The following SRRM2 variants were observed in gnomAD, a reference collection of about 807,000 sequenced individuals.
SRRM2 encodes serine/arginine repetitive matrix protein 2.
Under a neutral mutation model 213.8 loss-of-function variants are expected in SRRM2, and 30 were observed. The observed-to-expected ratio is 0.14, with a 90% CI of 0.10 to 0.19. SRRM2 has a LOEUF of 0.19. Among genes scored for constraint, SRRM2 ranks in the 10% least tolerant of loss-of-function variants. The pLI is 1.00. For synonymous variants in SRRM2, 2,025 were observed against 1,377.7 expected (o/e 1.47, Z -10.40); for missense variants, 4,904 against 3,647.0 (o/e 1.34, Z -8.88).
rs747794051 is a variant in SRRM2, at chr16:2,769,135, C to CTCCTCT, written c.7875_7880dup (p.Ser2647_Ser2648dup). The CTCCTCT allele has an allele frequency of 4.7e-5, 75 of 1,611,660 alleles. No individual in the cohort carries two copies. The Admixed American group carries it at 5.7e-4, about 12-fold the overall frequency. Reference sequence around the variant, plus strand: ...CTTCATCTTCCTCCTCCTCCTCCTCCTCCTCTTCTTCCTCCTCCTCTTCCT... The same window carrying CTCCTCT: ...CTTCATCTTCCTCCTCCTCCTCCTCCTCCTCTTCCTCTTCTTCCTCCTCCTCTTCCT... On this transcript the variant is annotated inframe_insertion, in exon 12 of 15. Coordinates refer to ENST00000301740, the MANE Select transcript of SRRM2 (RefSeq NM_016333.4).
At chr16:2,756,954 AAAG>A (rs578148421) in intron 2 of SRRM2, among the ~76,000 whole-genome samples, 213 of 152,276 alleles carry the variant, frequency 1.4e-3, no homozygotes, top group African/African-American at 4.9e-3. Context: ...CATTGGTAGA[AAAG>A]AAGAAGATAA....
chr16:2,769,153 CTCT>C lies in SRRM2; in HGVS notation c.7893_7895del (p.Ser2648del). 6.8e-6 allele frequency: 11 copies of C among 1,611,602 alleles called. No homozygotes were observed. Among genetic ancestry groups the C allele is most frequent in the East Asian group, 2.2e-5 (1 of 44,866 alleles). On this transcript the variant is annotated inframe_deletion, in exon 12 of 15. Coordinates refer to ENST00000301740, the MANE Select transcript of SRRM2 (RefSeq NM_016333.4). ...CCTCCTCCTCCTCTTCTTCCTCCTC[CTCT>C]TCCTCTTCTTCTTCTTCCTCCTCAT...
chr16:2,762,516 C>T lies in SRRM2; in HGVS notation c.1988C>T (p.Pro663Leu). Residue 663 changes from proline (P) to leucine (L), a missense_variant, in exon 11 of 15, where the codon CCA becomes CTA. By Grantham distance (98) the Pro-to-Leu change is moderately conservative (BLOSUM62 -3). Transcript: ENST00000301740. Reference protein sequence around the residue: ...ARRGRSRSRTPARRGRSRSRT... With the variant: ...ARRGRSRSRTLARRGRSRSRT... Reference sequence around the variant, plus strand: ...CGTGGCCGCTCACGCTCCAGAACCCCAGCCAGACGTGGCCGCTCACGCTCT... The same window carrying T: ...CGTGGCCGCTCACGCTCCAGAACCCTAGCCAGACGTGGCCGCTCACGCTCT... 1.2e-6 allele frequency: 2 copies of T among 1,613,716 alleles called. No homozygotes were observed. Among genetic ancestry groups the T allele is most frequent in the Non-Finnish European group, 1.7e-6 (2 of 1,179,752 alleles).
Position 2,764,743 on chromosome 16 carries a change from T to G in SRRM2, c.4215T>G (p.Pro1405=), listed in dbSNP as rs766269643. ...CTTCAAATCAGAGCATCTCTTCACC[T>G]GTGCTTGATGCTGTACCCAGAACAC... ...GMSSNQSISS[P]VLDAVPRTPS... Residue 1405 remains proline, a synonymous_variant, in exon 11 of 15, where the codon CCT becomes CCG. Coordinates refer to ENST00000301740, the MANE Select transcript of SRRM2 (RefSeq NM_016333.4). 3.1e-6 allele frequency: 5 copies of G among 1,614,196 alleles called. No individual in the cohort carries two copies. Among genetic ancestry groups the G allele is most frequent in the Non-Finnish European group, 4.2e-6 (5 of 1,180,044 alleles).
chr16:2,763,066 T>C lies in SRRM2; in HGVS notation c.2538T>C (p.Ser846=), dbSNP rs1022085303. ...CATCTCCTCATCCTAAAGTGAAATC[T>C]GGAACACCACCGAGGCAAGGGTCCA... ...SSSSPHPKVK[S]GTPPRQGSIT... Residue 846 remains serine, a synonymous_variant, in exon 11 of 15, where the codon TCT becomes TCC. Coordinates refer to ENST00000301740, the MANE Select transcript of SRRM2 (RefSeq NM_016333.4). The C allele has an allele frequency of 1.9e-6, 3 of 1,614,030 alleles. No individual in the cohort carries two copies. Among genetic ancestry groups the C allele is most frequent in the East Asian group, 2.2e-5 (1 of 44,874 alleles).
In SRRM2 at chr16:2,763,206, G is replaced by A; in HGVS notation, c.2678G>A (p.Gly893Glu). The A allele has an allele frequency of 6.2e-7, 1 of 1,613,856 alleles. No individual in the cohort carries two copies. The highest frequency in any genetic ancestry group is 8.5e-7 in the Non-Finnish European group (1 of 1,179,976). ...SRTPSRHSCSGSSPPRVKSST... is the reference protein window; with the variant it reads ...SRTPSRHSCSESSPPRVKSST... ...ACCCCTTCTAGACATAGCTGCTCAGGGTCCTCTCCTCCTAGAGTGAAATCT... is the reference window on the plus strand; with the variant it reads ...ACCCCTTCTAGACATAGCTGCTCAGAGTCCTCTCCTCCTAGAGTGAAATCT... Residue 893 changes from glycine (G) to glutamate (E), a missense_variant, in exon 11 of 15, where the codon GGG becomes GAG. Coordinates refer to ENST00000301740, the MANE Select transcript of SRRM2 (RefSeq NM_016333.4).
intron 10 of SRRM2, chr16:2,760,708 C>G: frequency 6.9e-6 from 4 of 577,720 alleles, no homozygotes; most frequent in Admixed American, 3.0e-5. Context: ...TCAAATCTCA[C>G]TGGATGTTAG....
chr16:2,762,397 C>G lies in SRRM2; in HGVS notation c.1869C>G (p.Arg623=), dbSNP rs746780703. 6.8e-6 allele frequency: 11 copies of G among 1,613,976 alleles called. No individual in the cohort carries two copies. The African/African-American group carries it at 1.5e-4, about 22-fold the overall frequency. ...CTCGGTCTAGAACACCTGCTAGGCG[C>G]AGATCTAGGACCCGATCACCAGTAC... ...GRSRSRTPAR[R]RSRTRSPVRR... The change falls in exon 11 of 15, where the codon CGC becomes CGG. Residue 623 remains arginine, a synonymous_variant. Coordinates refer to ENST00000301740, the MANE Select transcript of SRRM2 (RefSeq NM_016333.4).
chr16:2,769,344 G>C lies in SRRM2; in HGVS notation c.8021+60G>C. The C allele has an allele frequency of 5.9e-6, 9 of 1,512,804 alleles. No individual in the cohort carries two copies. In the South Asian group the frequency reaches 1.2e-4, roughly 20 times the overall value. The allele number at this position is 1,512,804 out of a possible 1,614,324, so 93.7% of individuals were successfully genotyped here. ...GGGGGAGTGACTTGTCCAGAGAAGG[G>C]GCCCTGGGGTGTGAGCTCCCCGCTG... On this transcript the variant is annotated intron_variant, in intron 12 of 14. Coordinates refer to ENST00000301740, the MANE Select transcript of SRRM2 (RefSeq NM_016333.4).
chr16:2,756,338 G>A lies in SRRM2; in HGVS notation c.-27G>A, dbSNP rs770049190. On this transcript the variant is annotated 5_prime_UTR_variant, in exon 2 of 15. Transcript: ENST00000301740. ...TGTCTCCCCGCTCCCCCTCAGGAGC[G>A]GTGGTGCCCCCCCCGGGCACGGGGC... The A allele has an allele frequency of 1.8e-5, 28 of 1,575,110 alleles. No homozygotes were observed. The African/African-American group carries it at 2.6e-4, about 14-fold the overall frequency.
Position 2,762,353 on chromosome 16 carries a change from C to G in SRRM2, c.1825C>G (p.Pro609Ala). Residue 609 changes from proline (P) to alanine (A), a missense_variant, in exon 11 of 15, where the codon CCA (proline) becomes GCA (alanine). Pro to Ala is a conservative substitution (Grantham distance 27, BLOSUM62 -1). Coordinates refer to ENST00000301740, the MANE Select transcript of SRRM2 (RefSeq NM_016333.4). The stretch of plus-strand genomic sequence containing the variant: ...CAGGCGTAGGTCTCGGTCTAGAACA[C>G]CAGCCCGGAGGGGCAGGTCTCGGTC... The part of the protein sequence containing the change: ...PTRRRSRSRT[P>A]ARRGRSRSRT... 6.2e-7 allele frequency: 1 copy of G among 1,612,958 alleles called. No homozygotes were observed. The highest frequency in any genetic ancestry group is 1.1e-5 in the South Asian group (1 of 90,994).
In SRRM2 at chr16:2,767,494, C is replaced by T. The variant is rs2068584069; in HGVS notation, c.6966C>T (p.Asn2322=). ...TGSGTPPTAA[N]YPSSSRTPQA... ...CTGGCACACCACCAACTGCTGCAAA[C>T]TATCCCTCCAGCTCCAGAACACCAC... Residue 2322 remains asparagine (N), a synonymous_variant, in exon 11 of 15, where the codon AAC becomes AAT. Transcript: ENST00000301740. The T allele has an allele frequency of 6.8e-6, 11 of 1,614,068 alleles. No individual in the cohort carries two copies. Among genetic ancestry groups the T allele is most frequent in the Non-Finnish European group, 9.3e-6 (11 of 1,180,024 alleles).
At position 2,768,367 on chromosome 16, in the gene SRRM2, G is replaced by A. The variant is rs139283277; in HGVS notation, c.7733+106G>A. ...TCACAGGTGCTTGGCTCTTGGAGGAGGTATGGGGACCTTGACCCTCAAGCT... is the reference window on the plus strand; with the variant it reads ...TCACAGGTGCTTGGCTCTTGGAGGAAGTATGGGGACCTTGACCCTCAAGCT... On this transcript the variant is annotated intron_variant, in intron 11 of 14. Coordinates refer to ENST00000301740, the MANE Select transcript of SRRM2 (RefSeq NM_016333.4). 111 of 1,316,870 alleles carry A rather than the reference G, an allele frequency of 8.4e-5. No homozygotes were observed. In the African/African-American group the frequency reaches 1.4e-3, roughly 17 times the overall value. The allele number at this position is 1,316,870 out of a possible 1,614,324, so 81.6% of individuals were successfully genotyped here.
At position 2,765,045 on chromosome 16, in the gene SRRM2, A is replaced by C. The variant is rs781438121; in HGVS notation, c.4517A>C (p.Asn1506Thr). The C allele has an allele frequency of 4.3e-6, 7 of 1,613,556 alleles. 1 individual carries two copies. In the South Asian group the frequency reaches 7.7e-5, roughly 18 times the overall value. Residue 1506 changes from asparagine to threonine, a missense_variant, in exon 11 of 15, where the codon AAC (asparagine) becomes ACC (threonine). Asn to Thr is a moderately conservative substitution (Grantham distance 65, BLOSUM62 0). Transcript: ENST00000301740. Reference sequence around the variant, plus strand: ...CGTTCTCCATCATCCCCAGAGCTCAACAACAAGTGTCTTACCCCCCAGAGA... The same window carrying C: ...CGTTCTCCATCATCCCCAGAGCTCACCAACAAGTGTCTTACCCCCCAGAGA... ...RSRSPSSPEL[N>T]NKCLTPQRER... is the part of the protein sequence containing the mutation.
Position 2,771,339 on chromosome 16 carries a change from A to T in SRRM2, c.*472A>T. 1 of 1,448,862 alleles carries T rather than the reference A, an allele frequency of 6.9e-7. No homozygotes were observed. The allele number at this position is 1,448,862 out of a possible 1,614,324, so 89.8% of individuals were successfully genotyped here. A position where few individuals can be genotyped will look rare whatever the true frequency, so the allele number is the denominator to read the frequency against. On this transcript the variant is annotated 3_prime_UTR_variant, in exon 15 of 15. Coordinates refer to ENST00000301740, the MANE Select transcript of SRRM2 (RefSeq NM_016333.4). ...CCCCCCAACTTTTCATGTTTCTTAA[A>T]GGCATTTTGGTTTTTTAAAATCTGT...
Position 2,759,634 on chromosome 16 carries a change from C to T in SRRM2, c.806C>T (p.Ala269Val), listed in dbSNP as rs2068269529. 2 of 1,614,032 alleles carry T rather than the reference C, an allele frequency of 1.2e-6. No homozygotes were observed. Among genetic ancestry groups the T allele is most frequent in the Non-Finnish European group, 1.7e-6 (2 of 1,179,932 alleles). ...CACCGTTCAACTTCTGCTGACTCTG[C>T]TTCCTCCTCCGATACTTCCCGCAGT... Reference protein sequence around the residue: ...RAHRSTSADSASSSDTSRSRS... With the variant: ...RAHRSTSADSVSSSDTSRSRS... The change falls in exon 9 of 15, where the codon GCT becomes GTT. Residue 269 changes from alanine (A) to valine (V), a missense_variant. By Grantham distance (64) the Ala-to-Val change is moderately conservative. Transcript: ENST00000301740.
In SRRM2 at chr16:2,757,923, C is replaced by T. The variant is rs748369236; in HGVS notation, c.493C>T (p.Pro165Ser). ...TGCCCGAGAAGCTAAACAACCAGCT[C>T]CTGAGCCTCCCAAACCTTACAGGTA... ...RRAREAKQPA[P>S]EPPKPYSLVR... Residue 165 changes from proline (P) to serine (S), a missense_variant, in exon 4 of 15, where the codon CCT (proline) becomes TCT (serine). Pro to Ser is a moderately conservative substitution (Grantham distance 74, BLOSUM62 -1). Transcript: ENST00000301740. The T allele has an allele frequency of 5.6e-6, 9 of 1,614,022 alleles. No homozygotes were observed. Among genetic ancestry groups the T allele is most frequent in the South Asian group, 1.1e-5 (1 of 91,066 alleles).
rs1289570786 is a variant in SRRM2 at position 2,758,331 on chromosome 16, A to C, written c.516-139A>C. ...TTACGGTGTGAGCTGTGTTGCTGCC[A>C]CTGCACCCCACCTGAGGCAACAGAG... On this transcript the variant is annotated intron_variant, in intron 4 of 14. Coordinates refer to ENST00000301740, the MANE Select transcript of SRRM2 (RefSeq NM_016333.4). 5.1e-6 allele frequency: 4 copies of C among 789,534 alleles called. No homozygotes were observed. In the Admixed American group the frequency reaches 8.5e-5, roughly 17 times the overall value. 48.9% of individuals were successfully genotyped at this position (789,534 alleles called of 1,614,324 possible).
In SRRM2 at chr16:2,767,289, T is replaced by C. The variant is rs1294661936; in HGVS notation, c.6761T>C (p.Val2254Ala). The change falls in exon 11 of 15, where the codon GTG becomes GCG. Residue 2254 changes from valine to alanine, a missense_variant. Coordinates refer to ENST00000301740, the MANE Select transcript of SRRM2 (RefSeq NM_016333.4). Reference protein sequence around the residue: ...SARTPAIPTAVNLADSRTPAA... With the variant: ...SARTPAIPTAANLADSRTPAA... ...AGGACACCTGCCATTCCAACAGCAG[T>C]GAACCTGGCTGACTCTCGAACGCCA... is the stretch of plus-strand genomic sequence containing the variant. 1.9e-6 allele frequency: 3 copies of C among 1,613,934 alleles called. No homozygotes were observed. In the African/African-American group the frequency reaches 4.0e-5, roughly 22 times the overall value.
Sources: gnomAD v4.1 joint callset for allele counts (sites outside exome capture counted in the v4.1 genomes callset) on GRCh38, gnomAD v4.1.1 for gene constraint, MANE v1.5 for transcripts, NCBI Gene and HGNC (gene_info 2026-07-23, HGNC 2026-07-21) for gene names.